The following CEP131 variants were observed in gnomAD, a reference collection of about 807,000 sequenced individuals.
CEP131 encodes the protein centrosomal protein of 131 kDa.
In CEP131, 99 loss-of-function variants were observed where a neutral mutation model predicts 136.8. The ratio of observed to expected loss-of-function variants is 0.72; its 90% CI spans 0.62 to 0.86. The LOEUF is 0.86. Among genes scored for constraint, CEP131 ranks in the 40% least tolerant of loss-of-function variants. The probability of loss-of-function intolerance (pLI) is 0.00; values close to 1 mark genes in which losing one functional copy is unlikely to be tolerated. For missense variants in CEP131, 1,459 were observed against 1,463.0 expected (o/e 1.00, Z 0.04); for synonymous variants, 646 against 612.7 (o/e 1.05, Z -0.80).
In CEP131 at chr17:81,221,136, A is replaced by C. The variant is rs550764226; in HGVS notation, c.-17-1063T>G. On this transcript the variant is annotated intron_variant, in intron 1 of 25. Coordinates refer to ENST00000450824, the MANE Select transcript of CEP131 (RefSeq NM_014984.4). ...CGAGACTCCATCTCAAAAAAAAAAAAAAAAAAAAAACGCGGGAGTGGTTTT... is the reference window on the plus strand; with the variant it reads ...CGAGACTCCATCTCAAAAAAAAAAACAAAAAAAAAACGCGGGAGTGGTTTT... 2.6e-3 allele frequency among the ~76,000 whole-genome samples: 397 copies of C among 151,282 alleles called. 2 individuals carry two copies. The highest frequency in any genetic ancestry group is 4.0e-3 in the Non-Finnish European group (272 of 67,670).
chr17:81,191,153 G>T (rs773047846), intron 22 of CEP131, 40 bp downstream of exon 22: 1 of 1,608,622 alleles, frequency 6.2e-7, no homozygotes, highest in South Asian at 1.1e-5. Context: ...TCAGCTCGTG[G>T]GCCTCCCCAG....
Position 81,208,890 on chromosome 17 carries a change from G to A in CEP131, c.272+38C>T, listed in dbSNP as rs2062072196. ...CCAGGGTGGGGCACCTGAGGTCCCGGGAAGGGGCCAGGGTTATCCAAGGGC... is the reference window on the plus strand; with the variant it reads ...CCAGGGTGGGGCACCTGAGGTCCCGAGAAGGGGCCAGGGTTATCCAAGGGC... On this transcript the variant is annotated intron_variant, in intron 3 of 25. Transcript: ENST00000450824. The surrounding 1 kb of genome is among the most constrained non-coding windows in gnomAD (Gnocchi z 5.6). 6.4e-7 allele frequency: 1 copy of A among 1,550,512 alleles called. No individual in the cohort carries two copies. The highest frequency in any genetic ancestry group is 1.4e-5 in the African/African-American group (1 of 73,742).
At chr17:81,200,485 G>A (rs1159498989) in intron 7 of CEP131, 39 bp from the exon 8 acceptor site, 2 of 1,467,916 alleles carry the variant, frequency 1.4e-6, no homozygotes, top group Non-Finnish European at 1.9e-6. Flanking sequence ...GACAGGACCA[G>A]CGCCCCGGCA....
At chr17:81,196,604 G>A (rs1023252936) in intron 15 of CEP131, 97 bp downstream of exon 15, 1 of 1,486,108 alleles carries the variant, frequency 6.7e-7, no homozygotes, top group African/African-American at 1.4e-5. Flanking sequence ...ACACCCAACA[G>A]AGGAAGAAGC....
chr17:81,201,412 G>A (rs929028285), intron 7 of CEP131, among the ~76,000 whole-genome samples: 6 of 152,234 alleles, frequency 3.9e-5, no homozygotes, highest in African/African-American at 1.4e-4. Context: ...TCCGCCCACA[G>A]CCCCTCCAGC....
At chr17:81,216,149 C>T (rs987728579) in intron 2 of CEP131, among the ~76,000 whole-genome samples, 3 of 152,114 alleles carry the variant, frequency 2.0e-5, no homozygotes, top group Non-Finnish European at 2.9e-5. Context: ...CACCTGAGGT[C>T]AAGAGTTCAA....
rs2061771174 is a variant in CEP131, at chr17:81,196,982, T to C, written c.1721A>G (p.Lys574Arg). 6.2e-7 allele frequency: 1 copy of C among 1,606,414 alleles called. No homozygotes were observed. The highest frequency in any genetic ancestry group is 1.1e-5 in the South Asian group (1 of 89,616). ...CTGCTTCTTCTCCTCCACCTCCAGCTTCAGCCGCATCACAGACGTGCTCAC... is the reference window on the plus strand; with the variant it reads ...CTGCTTCTTCTCCTCCACCTCCAGCCTCAGCCGCATCACAGACGTGCTCAC... ...SEVSTSVMRL[K>R]LEVEEKKQAM... is the part of the protein sequence containing the mutation. The change falls in exon 14 of 26, where the codon AAG (lysine) becomes AGG (arginine). Residue 574 changes from lysine to arginine, a missense_variant. Physicochemically the swap from Lys to Arg is conservative, Grantham distance 26. This residue lies in a region of CEP131 where 1,026 missense variants were observed against 964.2 expected (regional missense o/e 1.06). Coordinates refer to ENST00000450824, the MANE Select transcript of CEP131 (RefSeq NM_014984.4).
intron 1 of CEP131, 58 bp from the exon 2 acceptor site, chr17:81,220,131 AC>A (rs1344131016): frequency 9.0e-6 from 12 of 1,327,412 alleles, no homozygotes; most frequent in Middle Eastern, 2.9e-4. Flanking sequence ...AGTCCCCTGC[AC>A]CCACCATCTC....
chr17:81,203,432 T>A lies in CEP131; in HGVS notation c.629+62A>T, dbSNP rs1290116787. The A allele has an allele frequency of 7.3e-7, 1 of 1,375,748 alleles. No individual in the cohort carries two copies. The highest frequency in any genetic ancestry group is 1.0e-6 in the Non-Finnish European group (1 of 997,904). 85.2% of individuals were successfully genotyped at this position (1,375,748 alleles called of 1,614,324 possible). On this transcript the variant is annotated intron_variant, in intron 6 of 25. Transcript: ENST00000450824. The surrounding 1 kb of genome is among the most constrained non-coding windows in gnomAD (Gnocchi z 4.6). ...GACCGAGGTCGGACCCCAGGTGCAC[T>A]GACTACATGCCCTAACTGAGGTCGG... is the stretch of plus-strand genomic sequence containing the variant.
intron 2 of CEP131, among the ~76,000 whole-genome samples, chr17:81,218,104 A>G (rs983775391): frequency 6.8e-6 from 1 of 146,520 alleles, no homozygotes. Context: ...GTACAGTGGC[A>G]TGATCTCGGC....
At chr17:81,191,550 C>A (rs2061643077) in intron 21 of CEP131, among the ~76,000 whole-genome samples, 1 of 152,200 alleles carries the variant, frequency 6.6e-6, no homozygotes, top group Admixed American at 6.5e-5. Flanking sequence ...ATGCACAGCC[C>A]ACGGTCCCCT....
rs771722668 is a variant in CEP131, at chr17:81,199,407, T to C, written c.1166A>G (p.His389Arg). ...AGTATTGTTGGCCTTGAGGGCCTGGTGGGCAGTGCCGCCTGGTGTGGGGGA... is the reference window on the plus strand; with the variant it reads ...AGTATTGTTGGCCTTGAGGGCCTGGCGGGCAGTGCCGCCTGGTGTGGGGGA... ...ELSPTPGGTA[H>R]QALKANNTGG... Residue 389 changes from histidine (H) to arginine (R), a missense_variant, in exon 10 of 26, where the codon CAC becomes CGC. By Grantham distance (29) the His-to-Arg change is conservative. Coordinates refer to ENST00000450824, the MANE Select transcript of CEP131 (RefSeq NM_014984.4). 1.9e-6 allele frequency: 3 copies of C among 1,605,802 alleles called. No individual in the cohort carries two copies. Among genetic ancestry groups the C allele is most frequent in the Admixed American group, 1.7e-5 (1 of 59,022 alleles).
Position 81,197,017 on chromosome 17 carries a change from C to G in CEP131, c.1686G>C (p.Leu562=). ...VPEAGPGPLE[L]GSEVSTSVMR... is the part of the protein sequence containing the mutation. ...TCACAGACGTGCTCACCTCGGACCC[C>G]AGCTCCAGGGGCCCCGGCCCCGCCT... The change falls in exon 14 of 26, where the codon CTG becomes CTC. Residue 562 remains leucine, a synonymous_variant. Coordinates refer to ENST00000450824, the MANE Select transcript of CEP131 (RefSeq NM_014984.4). 6.3e-7 allele frequency: 1 copy of G among 1,596,242 alleles called. No individual in the cohort carries two copies.
Position 81,200,360 on chromosome 17 carries a change from CGG to C in CEP131, c.873_874del (p.Arg292ProfsTer71), listed in dbSNP as rs1567862140. The C allele has an allele frequency of 2.5e-6, 4 of 1,590,184 alleles. No homozygotes were observed. The highest frequency in any genetic ancestry group is 3.4e-6 in the Non-Finnish European group (4 of 1,168,888). On this transcript the variant is annotated frameshift_variant, in exon 8 of 26. Coordinates refer to ENST00000450824, the MANE Select transcript of CEP131 (RefSeq NM_014984.4). LOFTEE classifies it high-confidence loss of function. The stretch of plus-strand genomic sequence containing the variant: ...CTTGGCCTGAAGCAAGTGCTCCAGG[CGG>C]GCAGCTCCTGCTCCGCGCCGCTGCA...
rs2061828403 is a variant in CEP131, at chr17:81,198,942, C to T, written c.1222G>A (p.Asp408Asn). 3 of 1,585,936 alleles carry T rather than the reference C, an allele frequency of 1.9e-6. No homozygotes were observed. Among genetic ancestry groups the T allele is most frequent in the Non-Finnish European group, 2.6e-6 (3 of 1,167,768 alleles). ...GAGTCGGAGGTGGGCAGGCAGCGGT[C>T]TCCGGGGCCTGCAGCAGGGAGGCCA... ...GGGLPAAGPG[D>N]RCLPTSDSSP... The change falls in exon 11 of 26, where the codon GAC becomes AAC. Residue 408 changes from aspartate (D) to asparagine (N), a missense_variant. Asp to Asn is a conservative substitution (Grantham distance 23, BLOSUM62 1). Around this residue, in one of 3 missense-constraint regions of CEP131, gnomAD observed 1,026 missense variants for 964.2 expected, o/e 1.06. Transcript: ENST00000450824.
chr17:81,200,608 T>G (rs1452513309), intron 7 of CEP131, among the ~76,000 whole-genome samples, 162 bp from the exon 8 acceptor site: 1 of 152,250 alleles, frequency 6.6e-6, no homozygotes, highest in Admixed American at 6.5e-5. Context: ...CATTTTCACA[T>G]GGCAGGACCA....
At chr17:81,197,262 G>A (rs2061780533) in intron 13 of CEP131, 1 of 658,098 alleles carries the variant, frequency 1.5e-6, no homozygotes, top group Admixed American at 3.1e-5. Context: ...GTGGCCTCAG[G>A]AATAAAAAAC....
At position 81,208,793 on chromosome 17, in the gene CEP131, C is replaced by G. The variant is rs1598307760; in HGVS notation, c.272+135G>C. The G allele has an allele frequency of 2.9e-6, 2 of 685,202 alleles. No individual in the cohort carries two copies. Among genetic ancestry groups the G allele is most frequent in the East Asian group, 2.7e-5 (1 of 37,076 alleles). The allele number at this position is 685,202 out of a possible 1,614,324, so 42.4% of individuals were successfully genotyped here. ...AGCTGGCCCGTGAGGTCACTCCAGG[C>G]CTCACTAGCCAGCAAGGGCCCGGGA... On this transcript the variant is annotated intron_variant, in intron 3 of 25. Transcript: ENST00000450824. The surrounding 1 kb of genome is among the most constrained non-coding windows in gnomAD (Gnocchi z 5.6).
intron 2 of CEP131, among the ~76,000 whole-genome samples, chr17:81,210,400 T>C (rs1343087633): frequency 6.6e-6 from 1 of 151,980 alleles, no homozygotes; most frequent in Non-Finnish European, 1.5e-5. Flanking sequence ...TGAAACCCCG[T>C]CTCTACTAAA....
Sources: gnomAD v4.1 joint callset for allele counts (sites outside exome capture counted in the v4.1 genomes callset) on GRCh38, gnomAD v4.1.1 for gene constraint, gnomAD v4.1.1 regional missense constraint, Gnocchi (gnomAD v3.1) non-coding constraint, MANE v1.5 for transcripts, NCBI Gene and HGNC (gene_info 2026-07-23, HGNC 2026-07-21) for gene names.